The following ADAD1 variants were observed in gnomAD, a reference collection of about 807,000 sequenced individuals.
The protein encoded by ADAD1 is adenosine deaminase domain containing 1, also known as adenosine deaminase domain-containing protein 1.
In ADAD1, 46 loss-of-function variants were observed where a neutral mutation model predicts 66.8. The ratio of observed to expected loss-of-function variants is 0.69; its 90% CI spans 0.54 to 0.88. The LOEUF (loss-of-function observed/expected upper bound fraction) is 0.88. Among genes scored for constraint, ADAD1 ranks in the 40% least tolerant of loss-of-function variants. The pLI is 0.00. For missense variants in ADAD1, 617 were observed against 681.8 expected (o/e 0.91, Z 1.06); for synonymous variants, 248 against 229.4 (o/e 1.08, Z -0.73).
At chr4:122,385,427 C>G (rs1038815040) in intron 5 of ADAD1, among the ~76,000 whole-genome samples, 6 of 152,026 alleles carry the variant, frequency 3.9e-5, no homozygotes, top group Admixed American at 6.6e-5. Context: ...TGCCTGCCAC[C>G]ACACCCGGCT....
At chr4:122,423,312 G>C (rs1797091416) in intron 12 of ADAD1, among the ~76,000 whole-genome samples, 1 of 152,212 alleles carries the variant, frequency 6.6e-6, no homozygotes, top group African/African-American at 2.4e-5. Context: ...GCAAGTGGTA[G>C]GCCAACTAGC....
intron 11 of ADAD1, among the ~76,000 whole-genome samples, chr4:122,418,951 G>A (rs144557071): frequency 1.1e-4 from 16 of 152,252 alleles, no homozygotes; most frequent in African/African-American, 3.4e-4. Context: ...TAGTTCAACC[G>A]TTGTGGAAGA....
At chr4:122,429,509 TA>T (rs555644016) in intron 12 of ADAD1, 116 bp from the exon 13 acceptor site, 50 of 595,614 alleles carry the variant, frequency 8.4e-5, no homozygotes, top group Non-Finnish European at 1.4e-4. Context: ...ATATAGGAAT[TA>T]AAAAAGACTT....
intron 5 of ADAD1, among the ~76,000 whole-genome samples, chr4:122,390,948 G>C (rs1795405048): frequency 6.6e-6 from 1 of 152,128 alleles, no homozygotes; most frequent in African/African-American, 2.4e-5. Flanking sequence ...CTGGCCTTTT[G>C]GGTTTTCAGT....
intron 5 of ADAD1, among the ~76,000 whole-genome samples, chr4:122,392,334 T>A (rs1256646111): frequency 1.3e-5 from 2 of 152,138 alleles, no homozygotes; most frequent in African/African-American, 4.8e-5. Context: ...ATAAAGAAAG[T>A]GTGGTACATA....
At chr4:122,383,734 A>G in intron 4 of ADAD1, 65 bp from the exon 5 acceptor site, 1 of 1,497,750 alleles carries the variant, frequency 6.7e-7, no homozygotes, top group Non-Finnish European at 8.9e-7. Flanking sequence ...TTTCCTATGT[A>G]CATACATTGT....
In ADAD1 at chr4:122,412,426, C is replaced by A. The variant is rs548953265; in HGVS notation, c.1020-154C>A. 2.0e-5 allele frequency among the ~76,000 whole-genome samples: 3 copies of A among 152,192 alleles called. No individual in the cohort carries two copies. The East Asian group carries it at 5.8e-4, about 29-fold the overall frequency. On this transcript the variant is annotated intron_variant, in intron 9 of 12. Coordinates refer to ENST00000296513, the MANE Select transcript of ADAD1 (RefSeq NM_139243.4). ...GTACTATTGTAGAATAAAGGCACTCCACTCCTACCTTGCTTTCTTGCATCT... is the reference window on the plus strand; with the variant it reads ...GTACTATTGTAGAATAAAGGCACTCAACTCCTACCTTGCTTTCTTGCATCT...
intron 7 of ADAD1, among the ~76,000 whole-genome samples, chr4:122,406,924 TCA>T: frequency 6.6e-6 from 1 of 152,334 alleles, no homozygotes; most frequent in Non-Finnish European, 1.5e-5. Flanking sequence ...AAAGCACTTA[TCA>T]CACTTTGGGG....
intron 7 of ADAD1, among the ~76,000 whole-genome samples, chr4:122,400,663 A>G (rs992328116): frequency 1.3e-5 from 2 of 151,876 alleles, no homozygotes; most frequent in Non-Finnish European, 2.9e-5. Flanking sequence ...TTTTTAGATT[A>G]TGGTTTCACT....
At chr4:122,420,425 G>A (rs958659747) in intron 11 of ADAD1, among the ~76,000 whole-genome samples, 5 of 152,186 alleles carry the variant, frequency 3.3e-5, no homozygotes, top group African/African-American at 1.2e-4. Context: ...GGGTCACATG[G>A]GAGAGGCAGC....
intron 12 of ADAD1, 105 bp from the exon 13 acceptor site, chr4:122,429,521 T>A (rs1476246567): frequency 1.6e-5 from 10 of 637,182 alleles, no homozygotes; most frequent in African/African-American, 3.8e-5. Context: ...AAAAAGACTT[T>A]GATTAACTTT....
At chr4:122,389,277 A>G (rs748153596) in intron 5 of ADAD1, among the ~76,000 whole-genome samples, 5 of 152,174 alleles carry the variant, frequency 3.3e-5, no homozygotes. Context: ...TTTACTTCCA[A>G]TTACATGGTC....
intron 5 of ADAD1, among the ~76,000 whole-genome samples, chr4:122,385,024 G>C (rs1382046684): frequency 6.6e-6 from 1 of 152,106 alleles, no homozygotes; most frequent in Non-Finnish European, 1.5e-5. Flanking sequence ...TAGTAAGCTA[G>C]AGTTTCTTCT....
chr4:122,427,310 GT>G (rs1250488266), intron 12 of ADAD1, among the ~76,000 whole-genome samples: 1 of 152,150 alleles, frequency 6.6e-6, no homozygotes, highest in African/African-American at 2.4e-5. Context: ...TGGAAGACCT[GT>G]ACACTGGAAA....
chr4:122,412,924 G>A (rs1210221523), intron 10 of ADAD1, 115 bp downstream of exon 10: 1 of 809,666 alleles, frequency 1.2e-6, no homozygotes, highest in East Asian at 2.6e-5. Flanking sequence ...TTTATTTAAG[G>A]TCAAAACACA....
At chr4:122,392,517 G>A (rs1159428238) in intron 5 of ADAD1, among the ~76,000 whole-genome samples, 1 of 152,260 alleles carries the variant, frequency 6.6e-6, no homozygotes, top group East Asian at 1.9e-4. Flanking sequence ...AGCATGTGTA[G>A]CCATAAATAT....
intron 6 of ADAD1, among the ~76,000 whole-genome samples, chr4:122,394,830 G>A (rs572301488): frequency 6.6e-6 from 1 of 152,274 alleles, no homozygotes; most frequent in South Asian, 2.1e-4. Context: ...CTGTGAGAAA[G>A]AATATGTAGT....
intron 8 of ADAD1, 134 bp from the exon 9 acceptor site, chr4:122,411,088 G>A: frequency 3.1e-6 from 2 of 653,078 alleles, no homozygotes; most frequent in Non-Finnish European, 4.9e-6. Context: ...AGCTAAGATT[G>A]ATTTAGGAGT....
At chr4:122,387,297 G>A (rs1795217347) in intron 5 of ADAD1, among the ~76,000 whole-genome samples, 1 of 152,102 alleles carries the variant, frequency 6.6e-6, no homozygotes, top group Admixed American at 6.6e-5. Context: ...TCTCTTTGTA[G>A]TGATTGTGAA....
Sources: allele counts gnomAD v4.1 joint callset (sites outside exome capture counted in the v4.1 genomes callset), GRCh38; gene constraint gnomAD v4.1.1; transcripts MANE v1.5; gene names NCBI Gene and HGNC (gene_info 2026-07-23, HGNC 2026-07-21).